MAGI1: variants seen among roughly 807,000 people sequenced by gnomAD.
MAGI1 encodes the protein membrane associated guanylate kinase, WW and PDZ domain containing 1.
A neutral mutation model predicts 139.9 loss-of-function variants in MAGI1; 58 were observed. The ratio of observed to expected loss-of-function variants is 0.41; its 90% CI spans 0.34 to 0.52. The LOEUF is 0.52. Among genes scored for constraint, MAGI1 ranks in the 20% least tolerant of loss-of-function variants. The pLI is 0.12. For synonymous variants in MAGI1, 812 were observed against 737.9 expected, an observed-to-expected ratio of 1.10 and a Z score of -1.63; for missense variants, 1,874 against 1,901.6, an observed-to-expected ratio of 0.99 and a Z score of 0.27.
intron 1 of MAGI1, among the ~76,000 whole-genome samples, chr3:65,757,504 G>A (rs766683221): frequency 6.6e-6 from 1 of 152,138 alleles, no homozygotes; most frequent in Non-Finnish European, 1.5e-5. Flanking sequence ...TGGGCACGGT[G>A]GTGCACACCT....
At chr3:65,900,062 A>T (rs531819493) in intron 1 of MAGI1, among the ~76,000 whole-genome samples, 1 of 152,186 alleles carries the variant, frequency 6.6e-6, no homozygotes, top group South Asian at 2.1e-4. Flanking sequence ...TTACATTATC[A>T]TGTGTCCCAT....
chr3:65,760,148 T>TTCC (rs34314563), intron 1 of MAGI1, among the ~76,000 whole-genome samples: 11,594 of 150,238 alleles, frequency 0.077, 476 homozygotes, highest in Non-Finnish European at 0.085. Flanking sequence ...TGTCTTCAAC[T>TTCC]TCCTCCTCCT....
chr3:65,813,222 A>G (rs12637279), intron 1 of MAGI1, among the ~76,000 whole-genome samples: 44,821 of 151,834 alleles, frequency 0.3, 8,268 homozygotes, highest in East Asian at 0.66. Context: ...ACCAAGCGCC[A>G]CACCCCCATT....
chr3:65,542,862 C>T (rs2079307507), intron 2 of MAGI1, among the ~76,000 whole-genome samples: 2 of 152,130 alleles, frequency 1.3e-5, no homozygotes, highest in South Asian at 4.1e-4. Flanking sequence ...ATGACTAAAA[C>T]ACCAAAAGCA....
At chr3:65,879,404 G>A (rs572097101) in intron 1 of MAGI1, among the ~76,000 whole-genome samples, 35 of 152,116 alleles carry the variant, frequency 2.3e-4, no homozygotes, top group South Asian at 6.2e-4. Flanking sequence ...GAAGTCAGGC[G>A]ATTAAGGGAA....
intron 2 of MAGI1, among the ~76,000 whole-genome samples, chr3:65,592,012 A>T (rs2081988047): frequency 6.6e-6 from 1 of 152,044 alleles, no homozygotes; most frequent in Non-Finnish European, 1.5e-5. Context: ...GAAATGATTC[A>T]CTCAACTATT....
chr3:65,734,779 T>C (rs6805648), intron 1 of MAGI1, among the ~76,000 whole-genome samples: 4,684 of 150,506 alleles, frequency 0.031, 238 homozygotes, highest in African/African-American at 0.11. Flanking sequence ...GGATTTATTA[T>C]AAATTTCCAG....
chr3:65,509,731 G>A (rs903506624), intron 2 of MAGI1, among the ~76,000 whole-genome samples: 1 of 152,098 alleles, frequency 6.6e-6, no homozygotes, highest in Non-Finnish European at 1.5e-5. Flanking sequence ...TGGGGGAGGG[G>A]CGCCCGCCAT....
At chr3:65,570,418 TA>T (rs60986885) in intron 2 of MAGI1, among the ~76,000 whole-genome samples, 8,095 of 138,006 alleles carry the variant, frequency 0.059, 398 homozygotes, top group African/African-American at 0.14. Flanking sequence ...CAATACTTCA[TA>T]AAAAAAAAAA....
In MAGI1 at chr3:65,392,637, A is replaced by G. The variant is rs1434275718; in HGVS notation, c.2200-1279T>C. Among the ~76,000 whole-genome samples the G allele has an allele frequency of 3.9e-5, 6 of 152,222 alleles. No individual in the cohort carries two copies. The East Asian group carries it at 1.2e-3, about 29-fold the overall frequency. On this transcript the variant is annotated intron_variant, in intron 13 of 22. Coordinates refer to ENST00000402939, the MANE Select transcript of MAGI1 (RefSeq NM_001033057.2). ...CTTGCTGTCTCCCCGAGTATCCTTC[A>G]TCTTTCATTCCCCTGGAATTCTGCT...
chr3:65,364,605 G>A, intron 20 of MAGI1, 60 bp downstream of exon 20: 2 of 1,438,846 alleles, frequency 1.4e-6, no homozygotes, highest in Admixed American at 3.5e-5. Context: ...CATAAAAGTA[G>A]CTTGAGAAAG....
intron 18 of MAGI1, among the ~76,000 whole-genome samples, chr3:65,373,765 T>C (rs983728129): frequency 6.6e-6 from 1 of 152,194 alleles, no homozygotes; most frequent in African/African-American, 2.4e-5. Flanking sequence ...ATTGGTGGAA[T>C]GAACTCCAGA....
intron 1 of MAGI1, among the ~76,000 whole-genome samples, chr3:65,958,565 G>A (rs2107050801): frequency 6.6e-6 from 1 of 152,302 alleles, no homozygotes; most frequent in East Asian, 1.9e-4. Context: ...GGTTAGTGTG[G>A]AATTAAATAT....
chr3:65,860,229 C>T (rs901353296), intron 1 of MAGI1, among the ~76,000 whole-genome samples: 1 of 152,228 alleles, frequency 6.6e-6, no homozygotes, highest in African/African-American at 2.4e-5. Context: ...TCTATTTCCC[C>T]ATTCCCACCT....
intron 1 of MAGI1, among the ~76,000 whole-genome samples, chr3:66,004,905 C>G (rs554887026): frequency 3.3e-5 from 5 of 152,306 alleles, no homozygotes; most frequent in Admixed American, 1.3e-4. Flanking sequence ...ATTACAAACA[C>G]TACTCCTGGC....
chr3:65,371,170 A>G lies in MAGI1; in HGVS notation c.3196+4575T>C, dbSNP rs529794095. Among the ~76,000 whole-genome samples, 123 of 152,316 alleles carry G rather than the reference A, an allele frequency of 8.1e-4. 3 individuals carry two copies. The highest frequency in any genetic ancestry group is 7.3e-5 in the Non-Finnish European group (5 of 68,034). ...TCCCTGCGTCCTGTTCTTTTGGGTT[A>G]GTCTGTTTGATATCTTTCCATGACA... On this transcript the variant is annotated intron_variant, in intron 18 of 22. Coordinates refer to ENST00000402939, the MANE Select transcript of MAGI1 (RefSeq NM_001033057.2).
At chr3:65,777,719 A>G (rs972973001) in intron 1 of MAGI1, among the ~76,000 whole-genome samples, 6 of 152,060 alleles carry the variant, frequency 3.9e-5, no homozygotes, top group Non-Finnish European at 7.4e-5. Flanking sequence ...TAAAAGATAG[A>G]AAACAAATGT....
chr3:66,016,964 T>G (rs372774478), intron 1 of MAGI1, among the ~76,000 whole-genome samples: 2 of 152,034 alleles, frequency 1.3e-5, no homozygotes, highest in East Asian at 1.9e-4. Flanking sequence ...AGAAAGAAAT[T>G]TAGAGGTCAC....
rs535074916 is a variant in MAGI1, at chr3:65,851,628, C to G, written c.313+186368G>C. ...GCCAGGCGTGGTGGCATACACCTGT[C>G]ATCCCAGCTACTCAGGAGGCTGAGG... is the stretch of plus-strand genomic sequence containing the variant. On this transcript the variant is annotated intron_variant, in intron 1 of 22. Coordinates refer to ENST00000402939, the MANE Select transcript of MAGI1 (RefSeq NM_001033057.2). 3.7e-4 allele frequency among the ~76,000 whole-genome samples: 56 copies of G among 151,884 alleles called. 1 individual carries two copies. The highest frequency in any genetic ancestry group is 1.2e-3 in the African/African-American group (51 of 41,436).
Sources: allele counts gnomAD v4.1 joint callset (sites outside exome capture counted in the v4.1 genomes callset), GRCh38; gene constraint gnomAD v4.1.1; transcripts MANE v1.5; gene names NCBI Gene and HGNC (gene_info 2026-07-23, HGNC 2026-07-21).